The following TAPT1 variants were observed in gnomAD, a reference collection of about 807,000 sequenced individuals.
TAPT1 encodes the protein transmembrane anterior posterior transformation 1.
Under a neutral mutation model 65.6 loss-of-function variants are expected in TAPT1, and 28 were observed. That is an observed-to-expected ratio of 0.43 (90% CI 0.32 to 0.59). The LOEUF is 0.59. Among genes scored for constraint, TAPT1 ranks in the 20% least tolerant of loss-of-function variants. TAPT1 has a pLI of 0.09. For synonymous variants in TAPT1, 278 were observed against 245.2 expected (o/e 1.13, Z -1.25); for missense variants, 563 against 679.9 (o/e 0.83, Z 1.91).
chr4:16,192,849 C>T (rs902906356), intron 3 of TAPT1, among the ~76,000 whole-genome samples: 3 of 152,148 alleles, frequency 2.0e-5, no homozygotes, highest in African/African-American at 7.2e-5. Flanking sequence ...GGGGTGGGCT[C>T]ATTTTCTAAA....
At chr4:16,173,233 C>T (rs1416740453) in intron 11 of TAPT1, among the ~76,000 whole-genome samples, 1 of 151,482 alleles carries the variant, frequency 6.6e-6, no homozygotes, top group Non-Finnish European at 1.5e-5. Context: ...GTAGCTAGGA[C>T]TACAGGTGCA....
rs2108908358 is a variant in TAPT1, at chr4:16,226,431, A to G, written c.27T>C (p.Ala9=). Residue 9 remains alanine, a synonymous_variant, in exon 1 of 14, where the codon GCT becomes GCC. Coordinates refer to ENST00000405303, the MANE Select transcript of TAPT1 (RefSeq NM_153365.3). MAGVGDAA[A]PGEGGGGGVD... ...CGCCGCCACCGCCGCCTTCTCCCGG[A>G]GCGGCCGCGTCGCCGACGCCCGCCA... 1 of 1,075,886 alleles carries G rather than the reference A, an allele frequency of 9.3e-7. No homozygotes were observed. The highest frequency in any genetic ancestry group is 1.1e-6 in the Non-Finnish European group (1 of 890,886). The allele number at this position is 1,075,886 out of a possible 1,614,324, so 66.6% of individuals were successfully genotyped here.
In TAPT1 at chr4:16,219,889, C is replaced by A. The variant is rs138180979; in HGVS notation, c.200-5991G>T. Among the ~76,000 whole-genome samples, 37 of 152,320 alleles carry A rather than the reference C, an allele frequency of 2.4e-4. No homozygotes were observed. The East Asian group carries it at 7.1e-3, about 29-fold the overall frequency. On this transcript the variant is annotated intron_variant, in intron 1 of 13. Coordinates refer to ENST00000405303, the MANE Select transcript of TAPT1 (RefSeq NM_153365.3). ...TACCTAGTCCAGCGTGCTCTCTCCCCTACATCAAAATGATCAACCATCTCT... is the reference window on the plus strand; with the variant it reads ...TACCTAGTCCAGCGTGCTCTCTCCCATACATCAAAATGATCAACCATCTCT...
At chr4:16,215,148 G>A (rs898029633) in intron 1 of TAPT1, among the ~76,000 whole-genome samples, 3 of 152,004 alleles carry the variant, frequency 2.0e-5, no homozygotes, top group African/African-American at 4.8e-5. Flanking sequence ...AAAATTAGCC[G>A]GGCGTGCCGG....
chr4:16,199,533 G>A (rs1458607219), intron 3 of TAPT1, among the ~76,000 whole-genome samples: 1 of 152,144 alleles, frequency 6.6e-6, no homozygotes, highest in African/African-American at 2.4e-5. Flanking sequence ...AATACTGGCA[G>A]AGGATTTAAG....
intron 12 of TAPT1, among the ~76,000 whole-genome samples, chr4:16,167,554 C>T (rs953519691): frequency 1.3e-5 from 2 of 152,070 alleles, no homozygotes; most frequent in African/African-American, 4.8e-5. Flanking sequence ...AGGCAGTAGG[C>T]GAGTGGAGTC....
chr4:16,226,382 GGCCGTCCCGCTGCGGGCCGTCCAC>G lies in TAPT1; in HGVS notation c.52_75del (p.Val18_Gly25del). On this transcript the variant is annotated inframe_deletion, in exon 1 of 14. Transcript: ENST00000405303. ...CCGCCCGGCTGCTCCGCCTCGCCGC[GGCCGTCCCGCTGCGGGCCGTCCAC>G]GCCGCCACCGCCGCCTTCTCCCGGA... The G allele has an allele frequency of 9.1e-7, 1 of 1,102,950 alleles. No homozygotes were observed. Among genetic ancestry groups the G allele is most frequent in the Non-Finnish European group, 1.1e-6 (1 of 906,996 alleles). 68.3% of individuals were successfully genotyped at this position (1,102,950 alleles called of 1,614,324 possible). A position where few individuals can be genotyped will look rare whatever the true frequency, so the allele number is the denominator to read the frequency against.
chr4:16,164,512 C>A (rs80024508), intron 13 of TAPT1, among the ~76,000 whole-genome samples: 3,406 of 152,246 alleles, frequency 0.022, 125 homozygotes, highest in African/African-American at 0.078. Context: ...GAGTCAATGG[C>A]CCTGCCCTGC....
At chr4:16,194,154 T>C (rs557888894) in intron 3 of TAPT1, among the ~76,000 whole-genome samples, 35 of 152,292 alleles carry the variant, frequency 2.3e-4, no homozygotes, top group African/African-American at 8.2e-4. Context: ...CTACCAAACA[T>C]TGGAAACACA....
At chr4:16,174,028 T>C (rs1748169602) in intron 11 of TAPT1, among the ~76,000 whole-genome samples, 176 bp downstream of exon 11, 1 of 152,206 alleles carries the variant, frequency 6.6e-6, no homozygotes, top group Non-Finnish European at 1.5e-5. Context: ...GCTCAACCAA[T>C]AGATATTTGG....
At chr4:16,215,663 C>G (rs1750899022) in intron 1 of TAPT1, among the ~76,000 whole-genome samples, 1 of 152,200 alleles carries the variant, frequency 6.6e-6, no homozygotes, top group Non-Finnish European at 1.5e-5. Context: ...CGTACTTTCT[C>G]TTTTCAATAC....
At chr4:16,211,442 C>T (rs1750650490) in intron 2 of TAPT1, among the ~76,000 whole-genome samples, 1 of 152,104 alleles carries the variant, frequency 6.6e-6, no homozygotes, top group Admixed American at 6.5e-5. Flanking sequence ...TGGAATTAAA[C>T]TGAAACCTAA....
In TAPT1 at chr4:16,161,276, A is replaced by G. The variant is rs1179759300; in HGVS notation, c.*2032T>C. The G allele has an allele frequency of 1.3e-5, 2 of 152,678 alleles. No individual in the cohort carries two copies. The highest frequency in any genetic ancestry group is 2.4e-5 in the African/African-American group (1 of 41,474). 9.5% of individuals were successfully genotyped at this position (152,678 alleles called of 1,614,324 possible). The stretch of plus-strand genomic sequence containing the variant: ...ACCAAATACAATAGTAAATATTAAA[A>G]TAAATTCAGTGACCTTTTTAAAAAA... On this transcript the variant is annotated 3_prime_UTR_variant, in exon 14 of 14. Transcript: ENST00000405303.
Position 16,226,419 on chromosome 4 carries a change from G to T in TAPT1, c.39C>A (p.Gly13=). ...GCGGGCCGTCCACGCCGCCACCGCC[G>T]CCTTCTCCCGGAGCGGCCGCGTCGC... The part of the protein sequence containing the change: ...GVGDAAAPGE[G]GGGGVDGPQR... The change falls in exon 1 of 14, where the codon GGC becomes GGA. Residue 13 remains glycine (G), a synonymous_variant. Coordinates refer to ENST00000405303, the MANE Select transcript of TAPT1 (RefSeq NM_153365.3). 1.8e-6 allele frequency: 2 copies of T among 1,085,618 alleles called. No individual in the cohort carries two copies. Among genetic ancestry groups the T allele is most frequent in the Non-Finnish European group, 2.2e-6 (2 of 895,836 alleles). 67.2% of individuals were successfully genotyped at this position (1,085,618 alleles called of 1,614,324 possible).
intron 5 of TAPT1, 100 bp from the exon 6 acceptor site, chr4:16,186,978 T>A (rs1322848739): frequency 1.5e-6 from 1 of 667,888 alleles, no homozygotes; most frequent in African/African-American, 1.8e-5. Flanking sequence ...CTTTCTTTTC[T>A]AAATTGTCTT....
chr4:16,213,997 G>T, intron 1 of TAPT1, 99 bp from the exon 2 acceptor site: 1 of 975,302 alleles, frequency 1.0e-6, no homozygotes, highest in Non-Finnish European at 1.4e-6. Context: ...AAAACAAAGA[G>T]ACCAAAATAA....
chr4:16,210,895 T>C (rs1750611955), intron 2 of TAPT1, among the ~76,000 whole-genome samples: 2 of 152,188 alleles, frequency 1.3e-5, no homozygotes, highest in African/African-American at 4.8e-5. Context: ...TCCAAAATTA[T>C]ATACCCTTAG....
intron 12 of TAPT1, among the ~76,000 whole-genome samples, chr4:16,170,449 T>G (rs1403175248): frequency 6.6e-6 from 1 of 152,210 alleles, no homozygotes; most frequent in African/African-American, 2.4e-5. Context: ...TAAAATAAAA[T>G]CTAAAGTACT....
chr4:16,192,481 TA>T (rs775395073), intron 3 of TAPT1, among the ~76,000 whole-genome samples: 3 of 152,236 alleles, frequency 2.0e-5, no homozygotes, highest in African/African-American at 7.2e-5. Context: ...TCAGTTGAAA[TA>T]TTTTTTTCAT....
Sources: gnomAD v4.1 joint callset for allele counts (sites outside exome capture counted in the v4.1 genomes callset) on GRCh38, gnomAD v4.1.1 for gene constraint, MANE v1.5 for transcripts, NCBI Gene and HGNC (gene_info 2026-07-23, HGNC 2026-07-21) for gene names.